STXBP5L: variants seen among roughly 807,000 people sequenced by gnomAD.
STXBP5L encodes the protein syntaxin-binding protein 5-like.
A neutral mutation model predicts 144.5 loss-of-function variants in STXBP5L; 65 were observed. The ratio of observed to expected loss-of-function variants is 0.45; its 90% CI spans 0.37 to 0.55. STXBP5L has a LOEUF of 0.55. Among genes scored for constraint, STXBP5L ranks in the 20% least tolerant of loss-of-function variants. The pLI is 0.00. For missense variants in STXBP5L, 1,298 were observed against 1,405.5 expected, an observed-to-expected ratio of 0.92 and a Z score of 1.22; for synonymous variants, 505 against 469.6, an observed-to-expected ratio of 1.08 and a Z score of -0.97.
intron 22 of STXBP5L, among the ~76,000 whole-genome samples, chr3:121,386,236 GA>G (rs1308983313): frequency 6.6e-6 from 1 of 151,996 alleles, no homozygotes; most frequent in African/African-American, 2.4e-5. Context: ...GCACCTTTTG[GA>G]GTTACCAGTA....
chr3:121,409,922 G>A (rs1487802698), intron 23 of STXBP5L, among the ~76,000 whole-genome samples: 1 of 151,006 alleles, frequency 6.6e-6, no homozygotes, highest in Admixed American at 6.6e-5. Context: ...CAGGAAAGTC[G>A]CTTAAGAGTG....
At chr3:121,327,746 C>T (rs1333954879) in intron 20 of STXBP5L, among the ~76,000 whole-genome samples, 2 of 152,008 alleles carry the variant, frequency 1.3e-5, no homozygotes, top group African/African-American at 4.8e-5. Flanking sequence ...GATTTGGTTT[C>T]TATTTTCAAA....
At chr3:121,332,863 G>GA (rs142938207) in intron 20 of STXBP5L, among the ~76,000 whole-genome samples, 53 of 146,728 alleles carry the variant, frequency 3.6e-4, no homozygotes, top group East Asian at 7.9e-4. Context: ...ATAAGAACGT[G>GA]AAAAAAAAAA....
At chr3:121,014,298 A>G (rs113478944) in intron 3 of STXBP5L, among the ~76,000 whole-genome samples, 87 of 151,964 alleles carry the variant, frequency 5.7e-4, no homozygotes, top group African/African-American at 2.0e-3. Context: ...TGTTTGTGTC[A>G]TCTACAATAT....
chr3:120,975,233 T>C (rs1475819070), intron 3 of STXBP5L, among the ~76,000 whole-genome samples: 1 of 152,210 alleles, frequency 6.6e-6, no homozygotes, highest in Non-Finnish European at 1.5e-5. Flanking sequence ...CAGTGGTTTG[T>C]AGTTCTCCTT....
At chr3:121,262,903 T>TA (rs1343068835) in intron 18 of STXBP5L, among the ~76,000 whole-genome samples, 1 of 152,156 alleles carries the variant, frequency 6.6e-6, no homozygotes, top group Non-Finnish European at 1.5e-5. Context: ...TCAGCAGACT[T>TA]AAATGTTCCT....
intron 5 of STXBP5L, among the ~76,000 whole-genome samples, chr3:121,046,356 G>C (rs1947516198): frequency 6.6e-6 from 1 of 151,922 alleles, no homozygotes; most frequent in Admixed American, 6.6e-5. Context: ...TTTGGTATCA[G>C]GATGAAGCTG....
chr3:121,135,753 C>A (rs533870269), intron 7 of STXBP5L, among the ~76,000 whole-genome samples: 3 of 152,184 alleles, frequency 2.0e-5, no homozygotes, highest in Admixed American at 6.5e-5. Flanking sequence ...TGGTTCCTAA[C>A]AGGCCACAGA....
chr3:121,398,372 G>A (rs998737819), intron 22 of STXBP5L, among the ~76,000 whole-genome samples: 35 of 152,320 alleles, frequency 2.3e-4, no homozygotes, highest in East Asian at 3.9e-4. Flanking sequence ...CGGCACTACC[G>A]GCTGTGGTGG....
At chr3:121,044,388 A>T (rs1947365956) in intron 4 of STXBP5L, among the ~76,000 whole-genome samples, 1 of 152,178 alleles carries the variant, frequency 6.6e-6, no homozygotes, top group Non-Finnish European at 1.5e-5. Flanking sequence ...TCTCTCTTCT[A>T]ATTCCTAAAG....
chr3:121,346,872 G>A (rs544548249), intron 20 of STXBP5L, among the ~76,000 whole-genome samples: 5 of 152,022 alleles, frequency 3.3e-5, no homozygotes, highest in Admixed American at 1.3e-4. Context: ...AGATGAGTAG[G>A]TTGCAAAAAT....
chr3:121,123,892 G>C (rs1210437536), intron 7 of STXBP5L, among the ~76,000 whole-genome samples: 1 of 151,532 alleles, frequency 6.6e-6, no homozygotes, highest in Non-Finnish European at 1.5e-5. Context: ...AGTTTTATCA[G>C]TCTTTTCATG....
chr3:120,973,703 C>T (rs1399252724), intron 3 of STXBP5L, among the ~76,000 whole-genome samples: 2 of 151,776 alleles, frequency 1.3e-5, no homozygotes, highest in Non-Finnish European at 2.9e-5. Context: ...ATCCCCCCAC[C>T]CCACAACAGT....
Position 121,407,349 on chromosome 3 carries a change from A to G in STXBP5L, c.2694A>G (p.Ile898Met), listed in dbSNP as rs1381107029. ...AAGTTTGGAGGGATCCAAACAACAT[A>G]GATGAAAATGAAAAATCTTGGAGAA... ...PYEVWRDPNNIDENEKSWRRK... is the reference protein window; with the variant it reads ...PYEVWRDPNNMDENEKSWRRK... The change falls in exon 23 of 27, where the codon ATA becomes ATG. Residue 898 changes from isoleucine to methionine, a missense_variant. Ile to Met is a conservative substitution (Grantham distance 10). Transcript: ENST00000471454. The G allele has an allele frequency of 1.9e-6, 3 of 1,612,900 alleles. No homozygotes were observed. The highest frequency in any genetic ancestry group is 2.5e-6 in the Non-Finnish European group (3 of 1,179,346).
intron 3 of STXBP5L, among the ~76,000 whole-genome samples, chr3:121,014,268 A>G (rs1944984770): frequency 6.6e-6 from 1 of 151,982 alleles, no homozygotes; most frequent in Admixed American, 6.6e-5. Flanking sequence ...CAATCCATGA[A>G]TATAGAATGC....
At chr3:121,135,779 G>C (rs919676084) in intron 7 of STXBP5L, among the ~76,000 whole-genome samples, 3 of 152,174 alleles carry the variant, frequency 2.0e-5, no homozygotes, top group Non-Finnish European at 4.4e-5. Flanking sequence ...ACTGTGGCCA[G>C]GGTTTGGGGA....
chr3:121,230,102 C>A (rs933074659), intron 11 of STXBP5L, among the ~76,000 whole-genome samples: 1 of 152,056 alleles, frequency 6.6e-6, no homozygotes, highest in African/African-American at 2.4e-5. Flanking sequence ...ATCCCATTTA[C>A]CTTTATTTAT....
intron 3 of STXBP5L, among the ~76,000 whole-genome samples, chr3:121,002,094 C>G (rs1943829046): frequency 6.6e-6 from 1 of 152,098 alleles, no homozygotes; most frequent in Admixed American, 6.6e-5. Context: ...ATTACTGGAT[C>G]ATATAGTATT....
At chr3:121,099,786 C>T (rs562573640) in intron 5 of STXBP5L, 1 of 152,188 alleles carries the variant, frequency 6.6e-6, no homozygotes, top group African/African-American at 2.4e-5. Flanking sequence ...TTAAAAATGC[C>T]CCACTTAAAA....
Sources: gnomAD v4.1 joint callset for allele counts (sites outside exome capture counted in the v4.1 genomes callset) on GRCh38, gnomAD v4.1.1 for gene constraint, MANE v1.5 for transcripts, NCBI Gene and HGNC (gene_info 2026-07-23, HGNC 2026-07-21) for gene names.